Variants in NCOR2 observed in about 807,000 individuals in gnomAD.
NCOR2 encodes CTG repeat protein 26.
NCOR2 carries 81 observed loss-of-function variants against 262.9 expected under a neutral mutation model. The ratio of observed to expected loss-of-function variants is 0.31; its 90% CI spans 0.26 to 0.37. The LOEUF is 0.37. Among genes scored for constraint, NCOR2 ranks in the 10% least tolerant of loss-of-function variants. NCOR2 has a pLI of 1.00. For missense variants in NCOR2, 3,385 were observed against 3,621.4 expected (o/e 0.93, Z 1.68); for synonymous variants, 1,659 against 1,559.3 (o/e 1.06, Z -1.51).
At chr12:124,505,829 G>A (rs941398771) in intron 1 of NCOR2, among the ~76,000 whole-genome samples, 1 of 152,138 alleles carries the variant, frequency 6.6e-6, no homozygotes, top group East Asian at 1.9e-4. Flanking sequence ...GGCTATCTTC[G>A]CCTTGCAGAT....
At chr12:124,451,240 C>T (rs1158872798) in intron 6 of NCOR2, among the ~76,000 whole-genome samples, 3 of 152,262 alleles carry the variant, frequency 2.0e-5, no homozygotes, top group Non-Finnish European at 2.9e-5. Context: ...GACTCCCTCG[C>T]TGGCCACGGA....
In NCOR2 at chr12:124,432,364, C is replaced by T. The variant is rs1375005136; in HGVS notation, c.883-1577G>A. 2.0e-5 allele frequency among the ~76,000 whole-genome samples: 3 copies of T among 152,190 alleles called. No homozygotes were observed. The highest frequency in any genetic ancestry group is 7.2e-5 in the African/African-American group (3 of 41,442). ...ACCTCCCTTCCTGGTGAACCGGCCA[C>T]CCAGACCTGGCCTCCTCTGCAGAGG... On this transcript the variant is annotated intron_variant, in intron 8 of 46. Transcript: ENST00000405201. The surrounding 1 kb of genome is among the most constrained non-coding windows in gnomAD (Gnocchi z 5.1).
chr12:124,335,435 T>C (rs1341481333), intron 39 of NCOR2, 48 bp downstream of exon 41: 9 of 1,574,844 alleles, frequency 5.7e-6, no homozygotes, highest in Non-Finnish European at 6.9e-6. Context: ...GCCTTGAGGG[T>C]CCTCACTGTG....
Position 124,344,853 on chromosome 12 carries a change from G to A in NCOR2, c.4458C>T (p.Pro1486=), listed in dbSNP as rs560814961. The A allele has an allele frequency of 2.8e-4, 446 of 1,571,598 alleles. 1 individual carries two copies. Among genetic ancestry groups the A allele is most frequent in the Admixed American group, 1.5e-3 (81 of 53,684 alleles). The change falls in exon 32 of 47, where the codon CCC becomes CCT. Residue 1486 remains proline, a synonymous_variant. Transcript: ENST00000405201. ...CGGCCATCACATCCAGCGGGTGCAC[G>A]GGTGGGAACGTCCGGCCGGGGCTGC...
intron 7 of NCOR2, 90 bp from the exon 10 acceptor site, chr12:124,438,086 A>G: frequency 7.7e-7 from 1 of 1,292,654 alleles, no homozygotes; most frequent in East Asian, 2.5e-5. Context: ...GTGAGCCCCA[A>G]ATTTGCCCCG....
chr12:124,416,431 G>C (rs928916464), intron 13 of NCOR2, among the ~76,000 whole-genome samples: 1 of 152,196 alleles, frequency 6.6e-6, no homozygotes, highest in African/African-American at 2.4e-5. Context: ...CTGTCCGCCT[G>C]TGGGGCTGCT....
chr12:124,480,670 C>T (rs1316980983), intron 3 of NCOR2, among the ~76,000 whole-genome samples: 1 of 152,052 alleles, frequency 6.6e-6, no homozygotes, highest in Non-Finnish European at 1.5e-5. Flanking sequence ...AGGCCCCAGG[C>T]TGGACACACA....
rs529150050 is a variant in NCOR2, at chr12:124,388,218, C to T, written c.1877-2331G>A. Among the ~76,000 whole-genome samples, 4 of 152,288 alleles carry T rather than the reference C, an allele frequency of 2.6e-5. No homozygotes were observed. The South Asian group carries it at 8.3e-4, about 32-fold the overall frequency. On this transcript the variant is annotated intron_variant, in intron 16 of 46. Transcript: ENST00000405201. ...CCTTCTGCTCTCCGGCCTCAGTTTC[C>T]TTAACTGCCGTGTGAGGAGCCAGAG... is the stretch of plus-strand genomic sequence containing the variant.
At chr12:124,461,805 T>C (rs531990351) in intron 5 of NCOR2, among the ~76,000 whole-genome samples, 1 of 152,366 alleles carries the variant, frequency 6.6e-6, no homozygotes, top group East Asian at 1.9e-4. Flanking sequence ...ATGCCTCACA[T>C]GTGCCAATTC....
intron 14 of NCOR2, 116 bp downstream of exon 16, chr12:124,402,288 T>A (rs1416922365): frequency 1.8e-5 from 28 of 1,541,822 alleles, no homozygotes; most frequent in Non-Finnish European, 2.4e-5. Flanking sequence ...CCCTCCCCCC[T>A]GCTCACAGGC....
At chr12:124,330,859 G>A in exon 44 of NCOR2, 7 of 1,581,434 alleles carry the variant, frequency 4.4e-6, no homozygotes, top group Non-Finnish European at 6.0e-6. Flanking sequence ...TCCGGTGATG[G>A]CGGGCATATT....
At chr12:124,445,436 C>A (rs186168033) in intron 7 of NCOR2, among the ~76,000 whole-genome samples, 1 of 152,194 alleles carries the variant, frequency 6.6e-6, no homozygotes, top group African/African-American at 2.4e-5. Context: ...CGGCTACGGG[C>A]GACTCCAACG....
At chr12:124,371,980 G>A in intron 20 of NCOR2, 42 bp downstream of exon 22, 3 of 1,529,686 alleles carry the variant, frequency 2.0e-6, no homozygotes, top group Non-Finnish European at 2.6e-6. Context: ...CTCAGTGTCT[G>A]CAGACAAAAG....
At chr12:124,507,920 C>T (rs924017705) in intron 1 of NCOR2, among the ~76,000 whole-genome samples, 8 of 152,224 alleles carry the variant, frequency 5.3e-5, no homozygotes, top group African/African-American at 1.9e-4. Flanking sequence ...CCTCCCGCTT[C>T]TCCTCCATGC....
chr12:124,344,457 G>T, intron 32 of NCOR2, 140 bp downstream of exon 34: 1 of 764,008 alleles, frequency 1.3e-6, no homozygotes, highest in Non-Finnish European at 1.9e-6. Context: ...CAGAGCCCAC[G>T]GGCCTGCAGG....
intron 45 of NCOR2, 129 bp from the exon 48 acceptor site, chr12:124,326,499 T>C: frequency 1.1e-6 from 1 of 918,146 alleles, no homozygotes; most frequent in Non-Finnish European, 1.5e-6. Flanking sequence ...AGCAGTAACG[T>C]GAACCCCTCC....
intron 3 of NCOR2, among the ~76,000 whole-genome samples, chr12:124,480,045 G>C (rs906319921): frequency 1.3e-5 from 2 of 152,238 alleles, no homozygotes; most frequent in African/African-American, 4.8e-5. Flanking sequence ...ACCACTGCGT[G>C]AATGCCTCCT....
At chr12:124,369,145 G>C (rs1440184889) in intron 20 of NCOR2, among the ~76,000 whole-genome samples, 2 of 152,182 alleles carry the variant, frequency 1.3e-5, no homozygotes. Context: ...TTGGGGGAGG[G>C]GACTCCCAAG....
At chr12:124,354,372 G>C in intron 26 of NCOR2, 106 bp downstream of exon 28, 1 of 1,245,508 alleles carries the variant, frequency 8.0e-7, no homozygotes, top group Non-Finnish European at 1.1e-6. Flanking sequence ...GGGGCCCCCA[G>C]ACCCTCTGGG....
Sources: allele counts gnomAD v4.1 joint callset (sites outside exome capture counted in the v4.1 genomes callset), GRCh38; gene constraint gnomAD v4.1.1; non-coding constraint Gnocchi (gnomAD v3.1); transcripts MANE v1.5; gene names NCBI Gene and HGNC (gene_info 2026-07-23, HGNC 2026-07-21).